MTMR12: variants seen among roughly 807,000 people sequenced by gnomAD.
The protein encoded by MTMR12 is myotubularin related protein 12.
In MTMR12, 33 loss-of-function variants were observed where a neutral mutation model predicts 96.7. The ratio of observed to expected loss-of-function variants is 0.34; its 90% CI spans 0.26 to 0.46. The LOEUF is 0.46. MTMR12 is among the 20% of genes least tolerant of loss of function. The pLI, the probability that MTMR12 is intolerant of heterozygous loss-of-function variation, is 1.00. For missense variants in MTMR12, 721 were observed against 896.1 expected (o/e 0.80, Z 2.49); for synonymous variants, 298 against 327.2 (o/e 0.91, Z 0.96).
intron 1 of MTMR12, among the ~76,000 whole-genome samples, chr5:32,292,178 A>C (rs1561802934): frequency 6.6e-6 from 1 of 152,232 alleles, no homozygotes; most frequent in Non-Finnish European, 1.5e-5. Flanking sequence ...AATGCCAGCT[A>C]GGTGACAATA....
intron 1 of MTMR12, among the ~76,000 whole-genome samples, chr5:32,300,586 C>G (rs1355572420): frequency 4.6e-5 from 7 of 152,158 alleles, no homozygotes; most frequent in African/African-American, 1.2e-4. Context: ...TCCCATACCC[C>G]CTCTCTGTCT....
intron 7 of MTMR12, among the ~76,000 whole-genome samples, chr5:32,259,493 C>T (rs1581609209): frequency 6.6e-6 from 1 of 152,204 alleles, no homozygotes; most frequent in African/African-American, 2.4e-5. Context: ...TGGGGCTTTT[C>T]CTTCTGTCTC....
chr5:32,281,753 A>G (rs1750303207), intron 1 of MTMR12, among the ~76,000 whole-genome samples: 1 of 151,858 alleles, frequency 6.6e-6, no homozygotes, highest in East Asian at 1.9e-4. Flanking sequence ...TATAAAAATT[A>G]GCCAGGCATG....
At chr5:32,242,420 A>G (rs979796260) in intron 11 of MTMR12, among the ~76,000 whole-genome samples, 2 of 152,168 alleles carry the variant, frequency 1.3e-5, no homozygotes, top group African/African-American at 4.8e-5. Context: ...CTCACGCCTG[A>G]GTCTGCTGGT....
At chr5:32,260,659 GTGGGGGTC>G (rs1192884922) in intron 7 of MTMR12, among the ~76,000 whole-genome samples, 1 of 151,236 alleles carries the variant, frequency 6.6e-6, no homozygotes, top group African/African-American at 2.4e-5. Flanking sequence ...GAGGTTCTTG[GTGGGGGTC>G]AGGACCCTGG....
intron 1 of MTMR12, among the ~76,000 whole-genome samples, chr5:32,304,152 T>G (rs1043380096): frequency 6.6e-6 from 1 of 151,996 alleles, no homozygotes; most frequent in African/African-American, 2.4e-5. Context: ...AAACCCTGTC[T>G]CTACTAAAAA....
rs114964803 is a variant in MTMR12, at chr5:32,304,290, A to G, written c.81+8468T>C. 7.1e-3 allele frequency among the ~76,000 whole-genome samples: 1,078 copies of G among 152,088 alleles called. 13 individuals are homozygous for G. The highest frequency in any genetic ancestry group is 0.025 in the African/African-American group (1,019 of 41,468). On this transcript the variant is annotated intron_variant, in intron 1 of 15. Coordinates refer to ENST00000382142, the MANE Select transcript of MTMR12 (RefSeq NM_001040446.3). ...AGCCAAGATCGCGCCATTACACCTC[A>G]GCCTGGGAGACAGAGTGAGACTCCG...
intron 1 of MTMR12, among the ~76,000 whole-genome samples, chr5:32,290,924 C>T (rs913778804): frequency 2.0e-5 from 3 of 152,214 alleles, no homozygotes; most frequent in African/African-American, 4.8e-5. Flanking sequence ...AGTCACCATG[C>T]GACCTGAACT....
rs1554053440 is a variant in MTMR12, at chr5:32,228,607, T to TATATCA, written c.*1170_*1171insTGATAT. ...TATATATGTGATATATATATATATA[T>TATATCA]CATATATATGATATATATATATCAC... On this transcript the variant is annotated 3_prime_UTR_variant, in exon 16 of 16. Coordinates refer to ENST00000382142, the MANE Select transcript of MTMR12 (RefSeq NM_001040446.3). The TATATCA allele has an allele frequency of 2.6e-5, 3 of 117,346 alleles. No homozygotes were observed. The South Asian group carries it at 8.2e-4, about 32-fold the overall frequency. 7.3% of individuals were successfully genotyped at this position (117,346 alleles called of 1,614,324 possible).
intron 1 of MTMR12, chr5:32,296,606 T>C: frequency 4.9e-6 from 1 of 204,070 alleles, no homozygotes; most frequent in Non-Finnish European, 1.1e-5. Context: ...GCCAGGAGTT[T>C]GAGACTAGCC....
chr5:32,255,748 A>G lies in MTMR12; in HGVS notation c.734T>C (p.Val245Ala), dbSNP rs1227367384. The change falls in exon 8 of 16, where the codon GTC (valine) becomes GCC (alanine). Residue 245 changes from valine (V) to alanine (A), a missense_variant. Val to Ala is a moderately conservative substitution (Grantham distance 64). Coordinates refer to ENST00000382142, the MANE Select transcript of MTMR12 (RefSeq NM_001040446.3). Reference sequence around the variant, plus strand: ...ATTCTCTTCAGGAAGAGGGGTGGGGACAACAAAGTATGCTGGCAATCTAGA... The same window carrying G: ...ATTCTCTTCAGGAAGAGGGGTGGGGGCAACAAAGTATGCTGGCAATCTAGA... ...VCERLPAYFV[V>A]PTPLPEENVQ... 1.2e-6 allele frequency: 2 copies of G among 1,612,740 alleles called. No individual in the cohort carries two copies. Among genetic ancestry groups the G allele is most frequent in the African/African-American group, 2.7e-5 (2 of 74,870 alleles).
At chr5:32,278,590 G>A (rs1388606646) in intron 1 of MTMR12, among the ~76,000 whole-genome samples, 2 of 152,142 alleles carry the variant, frequency 1.3e-5, no homozygotes, top group African/African-American at 4.8e-5. Context: ...CTGAGGCAGT[G>A]TGGTCAGATC....
At chr5:32,276,872 ACTT>A in intron 1 of MTMR12, 130 bp from the exon 2 acceptor site, 45 of 298,272 alleles carry the variant, frequency 1.5e-4, no homozygotes, top group Non-Finnish European at 1.6e-4. Context: ...GTTACAAGCT[ACTT>A]TTTTTTTTTT....
At chr5:32,301,388 G>A (rs987386348) in intron 1 of MTMR12, among the ~76,000 whole-genome samples, 5 of 152,182 alleles carry the variant, frequency 3.3e-5, no homozygotes, top group Non-Finnish European at 5.9e-5. Context: ...TGACCCCCTA[G>A]GGAAAGTGCT....
At chr5:32,301,765 C>A (rs930419345) in intron 1 of MTMR12, among the ~76,000 whole-genome samples, 2 of 152,108 alleles carry the variant, frequency 1.3e-5, no homozygotes, top group Non-Finnish European at 2.9e-5. Flanking sequence ...GTGGCACACC[C>A]CTGTAACCCT....
intron 1 of MTMR12, among the ~76,000 whole-genome samples, chr5:32,277,365 G>A (rs1011089175): frequency 3.9e-5 from 6 of 152,156 alleles, no homozygotes; most frequent in African/African-American, 1.4e-4. Context: ...AACTTGAAGT[G>A]TCACATAGCA....
At chr5:32,260,659 G>T (rs968366787) in intron 7 of MTMR12, among the ~76,000 whole-genome samples, 2 of 151,236 alleles carry the variant, frequency 1.3e-5, no homozygotes, top group South Asian at 2.1e-4. Flanking sequence ...GAGGTTCTTG[G>T]TGGGGGTCAG....
In MTMR12 at chr5:32,312,163, G is replaced by A. The variant is rs1360329555; in HGVS notation, c.81+595C>T. ...TGGGTGGAAAGGATGATGGTGAGGGGATGAGGAGAAAGAAGCGACAGCGGA... is the reference window on the plus strand; with the variant it reads ...TGGGTGGAAAGGATGATGGTGAGGGAATGAGGAGAAAGAAGCGACAGCGGA... On this transcript the variant is annotated intron_variant, in intron 1 of 15. Transcript: ENST00000382142. This position sits in a 1 kb window ranked among gnomAD's most constrained non-coding sequence, Gnocchi z 5.0. 6.6e-6 allele frequency among the ~76,000 whole-genome samples: 1 copy of A among 152,244 alleles called. No homozygotes were observed. The highest frequency in any genetic ancestry group is 2.4e-5 in the African/African-American group (1 of 41,560).
At chr5:32,297,515 C>G (rs1750974283) in intron 1 of MTMR12, among the ~76,000 whole-genome samples, 2 of 151,518 alleles carry the variant, frequency 1.3e-5, no homozygotes, top group Admixed American at 6.6e-5. Context: ...AAATCCTTTT[C>G]TTCACATTTA....
Sources: gnomAD v4.1 joint callset for allele counts (sites outside exome capture counted in the v4.1 genomes callset) on GRCh38, gnomAD v4.1.1 for gene constraint, Gnocchi (gnomAD v3.1) non-coding constraint, MANE v1.5 for transcripts, NCBI Gene and HGNC (gene_info 2026-07-23, HGNC 2026-07-21) for gene names.